PPARGC1A: variants seen among roughly 807,000 people sequenced by gnomAD.
PPARGC1A encodes the protein PPARG coactivator 1 alpha.
Under a neutral mutation model 88.7 loss-of-function variants are expected in PPARGC1A, and 25 were observed. That is an observed-to-expected ratio of 0.28 (90% CI 0.21 to 0.39). The LOEUF (loss-of-function observed/expected upper bound fraction) is 0.39. Ranked by LOEUF, PPARGC1A falls within the 10% of genes least tolerant of loss-of-function variation. PPARGC1A has a pLI of 1.00. For missense variants in PPARGC1A, 880 were observed against 968.7 expected (o/e 0.91, Z 1.22); for synonymous variants, 363 against 355.6 (o/e 1.02, Z -0.24).
At chr4:24,133,201 G>C in the PPARGC1A span, among the ~76,000 whole-genome samples, 2 of 152,000 alleles carry the variant, frequency 1.3e-5, no homozygotes, top group Non-Finnish European at 2.9e-5. Flanking sequence ...GGGTGGTGGT[G>C]GGGGGGAAGT....
the PPARGC1A span, among the ~76,000 whole-genome samples, chr4:24,178,986 T>A: frequency 6.6e-6 from 1 of 152,238 alleles, no homozygotes; most frequent in African/African-American, 2.4e-5. Flanking sequence ...TATCTTCATT[T>A]TTTTGTTAAT....
At chr4:24,117,815 C>G in the PPARGC1A span, among the ~76,000 whole-genome samples, 1 of 152,006 alleles carries the variant, frequency 6.6e-6, no homozygotes, top group Admixed American at 6.6e-5. Flanking sequence ...TTGGATGATA[C>G]TCATGTCCAC....
At chr4:24,086,866 C>T in the PPARGC1A span, among the ~76,000 whole-genome samples, 2 of 152,156 alleles carry the variant, frequency 1.3e-5, no homozygotes, top group African/African-American at 4.8e-5. Flanking sequence ...CATAAAGACG[C>T]TACTATAATT....
the PPARGC1A span, among the ~76,000 whole-genome samples, chr4:23,969,081 G>A: frequency 6.6e-6 from 1 of 152,130 alleles, no homozygotes; most frequent in Non-Finnish European, 1.5e-5. Context: ...TAATTTTCCT[G>A]ACGAGAGCTC....
the PPARGC1A span, among the ~76,000 whole-genome samples, chr4:24,161,821 A>G: frequency 6.6e-6 from 1 of 152,156 alleles, no homozygotes; most frequent in African/African-American, 2.4e-5. Flanking sequence ...CAAAGGTGAT[A>G]TAACTCTTTC....
chr4:24,208,370 C>T, the PPARGC1A span, among the ~76,000 whole-genome samples: 1 of 151,954 alleles, frequency 6.6e-6, no homozygotes, highest in South Asian at 2.1e-4. Context: ...ACTGCCTTCC[C>T]TCCATGGTAG....
the PPARGC1A span, among the ~76,000 whole-genome samples, chr4:24,006,079 C>T: frequency 6.6e-6 from 1 of 152,096 alleles, no homozygotes; most frequent in Non-Finnish European, 1.5e-5. Context: ...GAGATGGAGT[C>T]TCACTCTGTC....
At chr4:24,002,081 CACACACACACACACACAGAG>C in the PPARGC1A span, among the ~76,000 whole-genome samples, 1 of 138,236 alleles carries the variant, frequency 7.2e-6, no homozygotes, top group South Asian at 2.5e-4. Flanking sequence ...CACACACACA[CACACACACACACACACAGAG>C]AGAGAGAGAG....
chr4:24,382,293 G>A, the PPARGC1A span, among the ~76,000 whole-genome samples: 292 of 152,190 alleles, frequency 1.9e-3, no homozygotes, highest in African/African-American at 6.6e-3. Flanking sequence ...TAAATTATAC[G>A]TACAAACCAA....
chr4:24,145,758 G>A, the PPARGC1A span, among the ~76,000 whole-genome samples: 7 of 152,288 alleles, frequency 4.6e-5, no homozygotes, highest in Admixed American at 3.3e-4. Context: ...CATAACAAAC[G>A]AATAGCAAAT....
the PPARGC1A span, among the ~76,000 whole-genome samples, chr4:24,334,025 G>T: frequency 6.6e-6 from 1 of 150,980 alleles, no homozygotes; most frequent in East Asian, 1.9e-4. Flanking sequence ...ATTCAGGGTG[G>T]CATCAGAATC....
intron 2 of PPARGC1A, among the ~76,000 whole-genome samples, chr4:23,848,692 T>C (rs1029782160): frequency 1.3e-5 from 2 of 152,172 alleles, no homozygotes; most frequent in African/African-American, 4.8e-5. Flanking sequence ...GACCTCTCAT[T>C]TTTTGCTGCT....
the PPARGC1A span, among the ~76,000 whole-genome samples, chr4:24,441,191 C>A: frequency 2.6e-5 from 4 of 152,206 alleles, no homozygotes; most frequent in Admixed American, 6.5e-5. Context: ...CCAGTCATCA[C>A]CCACCCAGAA....
At chr4:24,051,522 A>G in the PPARGC1A span, among the ~76,000 whole-genome samples, 2 of 152,346 alleles carry the variant, frequency 1.3e-5, no homozygotes, top group Admixed American at 1.3e-4. Context: ...CCCATTTTAC[A>G]GATAAGAGGG....
chr4:24,059,728 C>A, the PPARGC1A span, among the ~76,000 whole-genome samples: 21 of 152,358 alleles, frequency 1.4e-4, no homozygotes, highest in South Asian at 3.5e-3. Context: ...ATTCGCAATT[C>A]TGGATCCAGT....
the PPARGC1A span, among the ~76,000 whole-genome samples, chr4:24,195,789 G>T: frequency 6.6e-6 from 1 of 151,750 alleles, no homozygotes; most frequent in Non-Finnish European, 1.5e-5. Context: ...TTGTGTTCTA[G>T]ATACTCTAGG....
chr4:24,470,595 C>T, the PPARGC1A span, among the ~76,000 whole-genome samples: 1 of 152,020 alleles, frequency 6.6e-6, no homozygotes, highest in African/African-American at 2.4e-5. The surrounding 1 kb of genome is among the most constrained non-coding windows in gnomAD (Gnocchi z 5.8). Flanking sequence ...AGTTTCTACT[C>T]GCAGCGAGGC....
the PPARGC1A span, among the ~76,000 whole-genome samples, chr4:23,966,338 C>A: frequency 1.1e-4 from 16 of 152,250 alleles, 1 homozygote; most frequent in East Asian, 3.1e-3. Flanking sequence ...CACTAGCCAC[C>A]CCTGTGTGGC....
the PPARGC1A span, among the ~76,000 whole-genome samples, chr4:24,132,566 A>G: frequency 7.3e-3 from 1,108 of 152,320 alleles, 6 homozygotes; most frequent in African/African-American, 0.022. Context: ...TAGGTTACCA[A>G]GAGAAATCTG....
Sources: allele counts gnomAD v4.1 joint callset (sites outside exome capture counted in the v4.1 genomes callset), GRCh38; gene constraint gnomAD v4.1.1; non-coding constraint Gnocchi (gnomAD v3.1); transcripts MANE v1.5; gene names NCBI Gene and HGNC (gene_info 2026-07-23, HGNC 2026-07-21).